The following ADCY2 variants were observed in gnomAD, a reference collection of about 807,000 sequenced individuals.
The protein encoded by ADCY2 is adenylate cyclase 2.
Under a neutral mutation model 125.2 loss-of-function variants are expected in ADCY2, and 31 were observed. That is an observed-to-expected ratio of 0.25 (90% CI 0.19 to 0.33). The LOEUF is 0.33. Among genes scored for constraint, ADCY2 ranks in the 10% least tolerant of loss-of-function variants. ADCY2 has a pLI of 1.00. For missense variants in ADCY2, 904 were observed against 1,418.2 expected, an observed-to-expected ratio of 0.64 and a Z score of 5.82; for synonymous variants, 512 against 548.4, an observed-to-expected ratio of 0.93 and a Z score of 0.93.
At chr5:7,413,094 G>A (rs975188225) in intron 1 of ADCY2, among the ~76,000 whole-genome samples, 2 of 152,156 alleles carry the variant, frequency 1.3e-5, no homozygotes, top group South Asian at 4.1e-4. Context: ...CCAAGACTCC[G>A]TGTGGATTTT....
intron 8 of ADCY2, 119 bp from the exon 9 acceptor site, chr5:7,707,587 C>T (rs1046575537): frequency 1.0e-5 from 12 of 1,166,504 alleles, no homozygotes; most frequent in Admixed American, 2.3e-5. Context: ...ACTTTAATTG[C>T]GGTCAGTGCT....
intron 3 of ADCY2, among the ~76,000 whole-genome samples, chr5:7,585,904 G>A (rs77150047): frequency 0.028 from 4,290 of 152,270 alleles, 192 homozygotes; most frequent in African/African-American, 0.097. Flanking sequence ...ATCATTTCGC[G>A]ATTTGTATGT....
chr5:7,546,442 C>T (rs1003298498), intron 3 of ADCY2, among the ~76,000 whole-genome samples: 1 of 152,034 alleles, frequency 6.6e-6, no homozygotes, highest in Admixed American at 6.6e-5. Flanking sequence ...GTGTGAAGAC[C>T]GAGCCTGGGA....
At chr5:7,410,975 A>C (rs749561843) in intron 1 of ADCY2, among the ~76,000 whole-genome samples, 2 of 152,070 alleles carry the variant, frequency 1.3e-5, no homozygotes, top group Non-Finnish European at 2.9e-5. Context: ...TAGGTCTGAG[A>C]GTGTCTCTTT....
At chr5:7,423,473 A>G (rs997433878) in intron 2 of ADCY2, among the ~76,000 whole-genome samples, 1 of 152,074 alleles carries the variant, frequency 6.6e-6, no homozygotes, top group Non-Finnish European at 1.5e-5. Flanking sequence ...GGTGATAGTG[A>G]GTAAGTCTTA....
At chr5:7,598,887 C>G (rs1737102713) in intron 3 of ADCY2, among the ~76,000 whole-genome samples, 1 of 152,224 alleles carries the variant, frequency 6.6e-6, no homozygotes, top group Admixed American at 6.5e-5. Context: ...CTCTCCCCAC[C>G]CTCTGTTGGA....
intron 18 of ADCY2, among the ~76,000 whole-genome samples, chr5:7,775,437 C>T (rs185475544): frequency 7.4e-4 from 113 of 152,092 alleles, no homozygotes; most frequent in African/African-American, 2.7e-3. Context: ...GTTGCCCAGG[C>T]TGGAGTACAG....
intron 24 of ADCY2, among the ~76,000 whole-genome samples, chr5:7,822,280 G>C (rs1479677327): frequency 6.6e-6 from 1 of 152,202 alleles, no homozygotes; most frequent in Admixed American, 6.5e-5. Flanking sequence ...TGCTTAAACT[G>C]TGGTTAGAGA....
intron 18 of ADCY2, among the ~76,000 whole-genome samples, chr5:7,775,094 C>T (rs755035191): frequency 3.9e-5 from 6 of 152,014 alleles, no homozygotes; most frequent in Non-Finnish European, 5.9e-5. Context: ...GCAACCTCTG[C>T]CTCCTGGGTT....
At chr5:7,444,502 T>C (rs1741156491) in intron 2 of ADCY2, among the ~76,000 whole-genome samples, 1 of 152,208 alleles carries the variant, frequency 6.6e-6, no homozygotes, top group South Asian at 2.1e-4. Flanking sequence ...GAGCTCATTT[T>C]TTGGCTGCAT....
intron 2 of ADCY2, among the ~76,000 whole-genome samples, chr5:7,477,580 G>A (rs960103491): frequency 1.3e-5 from 2 of 152,214 alleles, no homozygotes; most frequent in African/African-American, 4.8e-5. Flanking sequence ...AGCACCTTAA[G>A]TGTGCACCAG....
In ADCY2 at chr5:7,828,362, C is replaced by A. The variant is rs1745550190; in HGVS notation, c.*1491C>A. On this transcript the variant is annotated 3_prime_UTR_variant, in exon 25 of 25. Coordinates refer to ENST00000338316, the MANE Select transcript of ADCY2 (RefSeq NM_020546.3). The stretch of plus-strand genomic sequence containing the variant: ...CTCTGATTTTTTACTGGCTGTGTGA[C>A]TTTGAACACATCTCTTAGTCCCTCT... The A allele has an allele frequency of 6.6e-6, 1 of 152,348 alleles. No homozygotes were observed. The highest frequency in any genetic ancestry group is 1.5e-5 in the Non-Finnish European group (1 of 68,046). The allele number at this position is 152,348 out of a possible 1,614,324, so 9.4% of individuals were successfully genotyped here.
chr5:7,736,765 A>G (rs1417238116), intron 14 of ADCY2, among the ~76,000 whole-genome samples: 4 of 152,184 alleles, frequency 2.6e-5, no homozygotes, highest in Non-Finnish European at 5.9e-5. Flanking sequence ...ACAAAGGCCT[A>G]TATAATTCAT....
At chr5:7,622,968 TACA>T (rs1738005434) in intron 3 of ADCY2, among the ~76,000 whole-genome samples, 1 of 152,170 alleles carries the variant, frequency 6.6e-6, no homozygotes, top group South Asian at 2.1e-4. Context: ...ACTGTTCTGT[TACA>T]ACAAGGCCCT....
chr5:7,711,741 A>C (rs1741445588), intron 10 of ADCY2, among the ~76,000 whole-genome samples: 1 of 152,228 alleles, frequency 6.6e-6, no homozygotes, highest in African/African-American at 2.4e-5. Flanking sequence ...TATAAAAATC[A>C]AAGGACCTCT....
At chr5:7,782,347 A>G (rs948208555) in intron 18 of ADCY2, 2 of 163,556 alleles carry the variant, frequency 1.2e-5, no homozygotes, top group Admixed American at 6.5e-5. Flanking sequence ...ATTTCTCCCA[A>G]TAGGTTGCTT....
chr5:7,732,274 T>C (rs1028555193), intron 14 of ADCY2, among the ~76,000 whole-genome samples: 3 of 152,258 alleles, frequency 2.0e-5, no homozygotes, highest in South Asian at 2.1e-4. Context: ...CCCAGTCAGA[T>C]GGTTATCTTC....
intron 4 of ADCY2, among the ~76,000 whole-genome samples, chr5:7,631,497 G>A (rs1433750442): frequency 6.6e-6 from 1 of 152,160 alleles, no homozygotes; most frequent in Admixed American, 6.5e-5. Flanking sequence ...TTTTGCATGG[G>A]TTTTCTGGTC....
In ADCY2 at chr5:7,704,695, C is replaced by T. The variant is rs567925322; in HGVS notation, c.1110-2049C>T. ...GACATCGAGACCATCCTAGCTGACA[C>T]GCTGAAACCCCGTCTCTACCAAAAA... On this transcript the variant is annotated intron_variant, in intron 7 of 24. Transcript: ENST00000338316. Among the ~76,000 whole-genome samples the T allele has an allele frequency of 6.4e-4, 98 of 152,092 alleles. 1 individual carries two copies. Among genetic ancestry groups the T allele is most frequent in the African/African-American group, 2.2e-3 (92 of 41,500 alleles).
Sources: gnomAD v4.1 joint callset for allele counts (sites outside exome capture counted in the v4.1 genomes callset) on GRCh38, gnomAD v4.1.1 for gene constraint, MANE v1.5 for transcripts, NCBI Gene and HGNC (gene_info 2026-07-23, HGNC 2026-07-21) for gene names.